Variants in LDLRAD4 observed in about 807,000 individuals in gnomAD.
The protein encoded by LDLRAD4 is low density lipoprotein receptor class A domain containing 4.
Under a neutral mutation model 17.0 loss-of-function variants are expected in LDLRAD4, and 5 were observed. The ratio of observed to expected loss-of-function variants is 0.29; its 90% CI spans 0.15 to 0.62. LDLRAD4 has a LOEUF of 0.62. LDLRAD4 is among the 20% of genes least tolerant of loss of function. The pLI is 0.84. For synonymous variants in LDLRAD4, 168 were observed against 171.8 expected, an observed-to-expected ratio of 0.98 and a Z score of 0.17; for missense variants, 340 against 424.7, an observed-to-expected ratio of 0.80 and a Z score of 1.75.
At chr18:13,297,729 G>A (rs1278337741) in intron 1 of LDLRAD4, among the ~76,000 whole-genome samples, 1 of 152,246 alleles carries the variant, frequency 6.6e-6, no homozygotes. Flanking sequence ...CAGCCCAGGA[G>A]GTTGAGGCTG....
chr18:13,578,260 G>A (rs189058593), intron 3 of LDLRAD4, among the ~76,000 whole-genome samples: 95 of 152,244 alleles, frequency 6.2e-4, no homozygotes, highest in Non-Finnish European at 1.2e-3. Flanking sequence ...TAAATAATTG[G>A]TGGCATCATC....
At chr18:13,221,133 GT>G (rs2041430203) in intron 1 of LDLRAD4, among the ~76,000 whole-genome samples, 1 of 152,172 alleles carries the variant, frequency 6.6e-6, no homozygotes. Flanking sequence ...AAGGAAAAAT[GT>G]TATCCCTCAA....
At chr18:13,246,234 G>A (rs1311656357) in intron 1 of LDLRAD4, among the ~76,000 whole-genome samples, 4 of 152,180 alleles carry the variant, frequency 2.6e-5, no homozygotes, top group African/African-American at 7.2e-5. Flanking sequence ...GGTGGTCTGC[G>A]GCCATCACTG....
chr18:13,631,038 C>T (rs2041617753), intron 4 of LDLRAD4, among the ~76,000 whole-genome samples: 1 of 152,150 alleles, frequency 6.6e-6, no homozygotes, highest in East Asian at 1.9e-4. Context: ...AGCATAAGCC[C>T]AGCAGGGTTC....
chr18:13,352,767 C>T (rs944924657), intron 1 of LDLRAD4, among the ~76,000 whole-genome samples: 2 of 152,008 alleles, frequency 1.3e-5, no homozygotes, highest in Non-Finnish European at 2.9e-5. Context: ...GTTCACTTTT[C>T]TTCATTCTTT....
chr18:13,365,980 G>T (rs1212681948), intron 1 of LDLRAD4, among the ~76,000 whole-genome samples: 1 of 152,162 alleles, frequency 6.6e-6, no homozygotes, highest in Non-Finnish European at 1.5e-5. Flanking sequence ...TCACCATGTT[G>T]GCTAGGCTGG....
chr18:13,275,516 T>C (rs941121345), upstream of LDLRAD4, among the ~76,000 whole-genome samples: 2 of 152,206 alleles, frequency 1.3e-5, no homozygotes, highest in African/African-American at 2.4e-5. Flanking sequence ...CATTGGCAAA[T>C]CATAGTTCTA....
intron 2 of LDLRAD4, among the ~76,000 whole-genome samples, chr18:13,404,424 G>A (rs1316162391): frequency 6.6e-6 from 1 of 152,244 alleles, no homozygotes; most frequent in Non-Finnish European, 1.5e-5. Context: ...GCTGTGGGAC[G>A]CTGTCCCACG....
chr18:13,268,303 C>T (rs549444773), intron 1 of LDLRAD4, among the ~76,000 whole-genome samples: 3 of 152,214 alleles, frequency 2.0e-5, no homozygotes, highest in Non-Finnish European at 4.4e-5. Flanking sequence ...CTGCTTCCCT[C>T]CCCTGTTGGG....
intron 4 of LDLRAD4, among the ~76,000 whole-genome samples, chr18:13,632,402 T>C (rs1383732307): frequency 6.6e-6 from 1 of 152,268 alleles, no homozygotes; most frequent in East Asian, 1.9e-4. Context: ...CGCTGGTTGC[T>C]GCAGCAGGGC....
chr18:13,594,981 T>C (rs924666669), intron 3 of LDLRAD4, among the ~76,000 whole-genome samples: 3 of 152,164 alleles, frequency 2.0e-5, no homozygotes, highest in African/African-American at 7.2e-5. Context: ...TGTGCCTTTC[T>C]AGAATTTTTT....
At chr18:13,635,872 G>T (rs142934395) in intron 4 of LDLRAD4, among the ~76,000 whole-genome samples, 2 of 152,220 alleles carry the variant, frequency 1.3e-5, no homozygotes, top group East Asian at 3.9e-4. Context: ...AGCCAGAGAG[G>T]CCAGAGCTCT....
At chr18:13,457,608 C>T (rs1419933540) in intron 3 of LDLRAD4, among the ~76,000 whole-genome samples, 2 of 152,174 alleles carry the variant, frequency 1.3e-5, no homozygotes, top group African/African-American at 2.4e-5. Context: ...AGGCCTGACG[C>T]ACCCGACCTT....
intron 1 of LDLRAD4, among the ~76,000 whole-genome samples, chr18:13,291,137 G>A (rs2045937739): frequency 6.6e-6 from 1 of 152,348 alleles, no homozygotes; most frequent in South Asian, 2.1e-4. Flanking sequence ...GCTCAGGAGC[G>A]TGTCTGAAGA....
intron 3 of LDLRAD4, among the ~76,000 whole-genome samples, chr18:13,549,397 A>G (rs1008983065): frequency 1.3e-5 from 2 of 152,102 alleles, no homozygotes; most frequent in Non-Finnish European, 2.9e-5. Context: ...TGGAGCTGCC[A>G]TGGTCCCCAG....
At chr18:13,242,830 A>C (rs1419119948) in intron 1 of LDLRAD4, among the ~76,000 whole-genome samples, 1 of 152,222 alleles carries the variant, frequency 6.6e-6, no homozygotes, top group African/African-American at 2.4e-5. Context: ...TTTAAATCTT[A>C]TCCAACAGCT....
At chr18:13,640,804 G>A (rs774845428) in intron 4 of LDLRAD4, among the ~76,000 whole-genome samples, 1 of 152,218 alleles carries the variant, frequency 6.6e-6, no homozygotes, top group South Asian at 2.1e-4. Flanking sequence ...AAGACCTGCC[G>A]ACAGGCCGGA....
intron 3 of LDLRAD4, among the ~76,000 whole-genome samples, chr18:13,556,732 G>T (rs2094488172): frequency 6.6e-6 from 1 of 152,154 alleles, no homozygotes; most frequent in African/African-American, 2.4e-5. Context: ...CCATGATGGG[G>T]AGTGGTTGTC....
intron 3 of LDLRAD4, among the ~76,000 whole-genome samples, chr18:13,464,155 A>C (rs1299310728): frequency 1.3e-5 from 2 of 152,224 alleles, no homozygotes; most frequent in Non-Finnish European, 2.9e-5. Flanking sequence ...AGCTTTGGAG[A>C]TCTCTCAATT....
Sources: gnomAD v4.1 joint callset for allele counts (sites outside exome capture counted in the v4.1 genomes callset) on GRCh38, gnomAD v4.1.1 for gene constraint, MANE v1.5 for transcripts, NCBI Gene and HGNC (gene_info 2026-07-23, HGNC 2026-07-21) for gene names.